Variants in RASAL2 observed in about 807,000 individuals in gnomAD.
RASAL2 encodes the protein RAS protein activator like 2, also known as ras GTPase-activating protein nGAP.
Under a neutral mutation model 128.9 loss-of-function variants are expected in RASAL2, and 58 were observed. The observed-to-expected ratio is 0.45, with a 90% CI of 0.36 to 0.56. The LOEUF (loss-of-function observed/expected upper bound fraction) is 0.56. Ranked by LOEUF, RASAL2 falls within the 20% of genes least tolerant of loss-of-function variation. The pLI, the probability that RASAL2 is intolerant of heterozygous loss-of-function variation, is 0.00. For synonymous variants in RASAL2, 561 were observed against 580.8 expected (o/e 0.97, Z 0.49); for missense variants, 1,360 against 1,601.6 (o/e 0.85, Z 2.57).
chr1:178,418,886 A>G (rs1674950686), intron 4 of RASAL2, among the ~76,000 whole-genome samples: 1 of 152,198 alleles, frequency 6.6e-6, no homozygotes, highest in African/African-American at 2.4e-5. Flanking sequence ...ATCCTGCTGC[A>G]AAAACTGTAG....
chr1:178,436,379 G>C (rs1313821319), intron 5 of RASAL2, among the ~76,000 whole-genome samples: 4 of 152,096 alleles, frequency 2.6e-5, no homozygotes, highest in Admixed American at 2.0e-4. Flanking sequence ...ACTAGGAAGA[G>C]TTTGGAGTTA....
intron 12 of RASAL2, 145 bp downstream of exon 12, chr1:178,454,793 G>A (rs1677647033): frequency 1.6e-6 from 1 of 626,108 alleles, no homozygotes; most frequent in African/African-American, 1.8e-5. Context: ...TCATTTCTGA[G>A]TAAAATATGA....
At chr1:178,166,845 G>A (rs1379934636) in intron 1 of RASAL2, among the ~76,000 whole-genome samples, 3 of 152,068 alleles carry the variant, frequency 2.0e-5, no homozygotes, top group African/African-American at 7.2e-5. Context: ...AATGTGATTA[G>A]GATGTGGCTG....
rs1661023640 is a variant in RASAL2 at position 178,154,638 on chromosome 1, T to G, written c.202+59944T>G. ...ATTAAATCTGTTGTTTTAATTTGCA[T>G]TTCCCTGATGACTAATTAAGTTGAA... On this transcript the variant is annotated intron_variant, in intron 1 of 17. Coordinates refer to ENST00000367649, the MANE Select transcript of RASAL2 (RefSeq NM_170692.4). Among the ~76,000 whole-genome samples the G allele has an allele frequency of 3.3e-5, 5 of 152,362 alleles. 1 individual carries two copies. The South Asian group carries it at 1.0e-3, about 32-fold the overall frequency.
At chr1:178,347,332 A>G (rs931689792) in intron 3 of RASAL2, among the ~76,000 whole-genome samples, 19 of 152,170 alleles carry the variant, frequency 1.2e-4, no homozygotes, top group Admixed American at 5.2e-4. Context: ...CTTTCCCCCT[A>G]TCAGACCTGT....
At chr1:178,147,605 TAAATG>T (rs566208666) in intron 1 of RASAL2, among the ~76,000 whole-genome samples, 6 of 151,526 alleles carry the variant, frequency 4.0e-5, no homozygotes, top group African/African-American at 1.5e-4. Context: ...CTTTGGCAAA[TAAATG>T]GGATTATATG....
At chr1:178,201,806 C>T (rs572837007) in intron 1 of RASAL2, among the ~76,000 whole-genome samples, 9 of 152,230 alleles carry the variant, frequency 5.9e-5, no homozygotes, top group Admixed American at 3.9e-4. Context: ...AAGCAGAAAA[C>T]GTTCAGGTCA....
In RASAL2 at chr1:178,456,850, G is replaced by A. The variant is rs767584065; in HGVS notation, c.2341G>A (p.Gly781Arg). 3.1e-6 allele frequency: 5 copies of A among 1,613,986 alleles called. No individual in the cohort carries two copies. The African/African-American group carries it at 6.7e-5, about 22-fold the overall frequency. ...ACATAACTCCAGTCCAAATGTCAGT[G>A]GAAGCCTCTCCTCTGGGCTGCAGAA... ...TEHNSSPNVS[G>R]SLSSGLQKIF... Residue 781 changes from glycine (G) to arginine (R), a missense_variant, in exon 13 of 18, where the codon GGA becomes AGA. This residue lies in a region of RASAL2 where 741 missense variants were observed against 868.6 expected (regional missense o/e 0.85). Transcript: ENST00000367649.
rs1028523030 is a variant in RASAL2, at chr1:178,319,145, A to G, written c.457+19027A>G. 5.2e-3 allele frequency among the ~76,000 whole-genome samples: 784 copies of G among 151,982 alleles called. 11 individuals carry two copies. The highest frequency in any genetic ancestry group is 0.018 in the African/African-American group (729 of 41,360). On this transcript the variant is annotated intron_variant, in intron 3 of 17. Coordinates refer to ENST00000367649, the MANE Select transcript of RASAL2 (RefSeq NM_170692.4). Reference sequence around the variant, plus strand: ...CCCCCACACTCTTCTGGCTTGTAGGATTTCTGCCGAGAGATCCGCTGTTAG... The same window carrying G: ...CCCCCACACTCTTCTGGCTTGTAGGGTTTCTGCCGAGAGATCCGCTGTTAG...
intron 1 of RASAL2, among the ~76,000 whole-genome samples, chr1:178,153,086 A>T (rs1009289514): frequency 7.2e-5 from 11 of 152,238 alleles, no homozygotes; most frequent in Admixed American, 2.6e-4. Flanking sequence ...CTCTTAATTT[A>T]TAGATTCTTT....
intron 1 of RASAL2, among the ~76,000 whole-genome samples, chr1:178,187,052 T>C (rs1351502855): frequency 6.6e-6 from 1 of 152,140 alleles, no homozygotes; most frequent in Non-Finnish European, 1.5e-5. Context: ...GGTCTCGAAC[T>C]CCTGGCCTAA....
At chr1:178,145,903 A>G (rs1660717661) in intron 1 of RASAL2, among the ~76,000 whole-genome samples, 1 of 152,182 alleles carries the variant, frequency 6.6e-6, no homozygotes, top group South Asian at 2.1e-4. Flanking sequence ...GCCAAAACTC[A>G]CACACATAGT....
chr1:178,148,966 G>A (rs1183684781), intron 1 of RASAL2, among the ~76,000 whole-genome samples: 1 of 152,016 alleles, frequency 6.6e-6, no homozygotes, highest in African/African-American at 2.4e-5. Context: ...ATGACAGCTG[G>A]ATTCCTATTC....
chr1:178,448,734 C>A (rs1331666057), intron 9 of RASAL2, among the ~76,000 whole-genome samples: 1 of 151,604 alleles, frequency 6.6e-6, no homozygotes, highest in African/African-American at 2.4e-5. Flanking sequence ...CTATCTGCTT[C>A]TTTGAAATCA....
intron 2 of RASAL2, among the ~76,000 whole-genome samples, chr1:178,291,343 G>T (rs1457949394): frequency 6.6e-6 from 1 of 152,178 alleles, no homozygotes; most frequent in East Asian, 1.9e-4. Context: ...CAGGGAAAGG[G>T]TATTTAGCAA....
chr1:178,130,048 AATT>A (rs1323735759), intron 1 of RASAL2, among the ~76,000 whole-genome samples: 2 of 152,222 alleles, frequency 1.3e-5, no homozygotes, highest in Non-Finnish European at 2.9e-5. Flanking sequence ...ACATTTACAT[AATT>A]AAGGAAAAGC....
intron 5 of RASAL2, among the ~76,000 whole-genome samples, chr1:178,437,402 C>G (rs2102821664): frequency 6.6e-6 from 1 of 152,208 alleles, no homozygotes; most frequent in African/African-American, 2.4e-5. Context: ...ACTTGCTATA[C>G]CGGGACATGT....
At chr1:178,287,325 A>T (rs748086136) in intron 2 of RASAL2, among the ~76,000 whole-genome samples, 2 of 151,950 alleles carry the variant, frequency 1.3e-5, no homozygotes, top group Non-Finnish European at 2.9e-5. Context: ...TTCCCACTTC[A>T]GTTACTGTCC....
chr1:178,384,697 A>C (rs547962539), intron 3 of RASAL2, among the ~76,000 whole-genome samples: 10 of 151,882 alleles, frequency 6.6e-5, no homozygotes, highest in African/African-American at 2.2e-4. Flanking sequence ...CACACAAAAA[A>C]AAAACTCAAT....
Sources: allele counts gnomAD v4.1 joint callset (sites outside exome capture counted in the v4.1 genomes callset), GRCh38; gene constraint gnomAD v4.1.1; regional missense constraint gnomAD v4.1.1; transcripts MANE v1.5; gene names NCBI Gene and HGNC (gene_info 2026-07-23, HGNC 2026-07-21).